Variants in MLLT10 observed in about 807,000 individuals in gnomAD.
The protein encoded by MLLT10 is MLLT10 histone lysine methyltransferase DOT1L cofactor.
MLLT10 carries 30 observed loss-of-function variants against 129.1 expected under a neutral mutation model. The observed-to-expected ratio is 0.23, with a 90% confidence interval of 0.17 to 0.32. MLLT10 has a LOEUF of 0.32. Among genes scored for constraint, MLLT10 ranks in the 10% least tolerant of loss-of-function variants. MLLT10 has a pLI of 1.00. For missense variants in MLLT10, 1,119 were observed against 1,268.3 expected (o/e 0.88, Z 1.79); for synonymous variants, 490 against 446.4 (o/e 1.10, Z -1.23).
intron 9 of MLLT10, among the ~76,000 whole-genome samples, chr10:21,668,084 A>G (rs1015210133): frequency 1.3e-5 from 2 of 152,142 alleles, no homozygotes; most frequent in African/African-American, 2.4e-5. Flanking sequence ...CAAAAAAAGA[A>G]CTTACATTTT....
At chr10:21,685,108 C>CT (rs899731509) in intron 13 of MLLT10, among the ~76,000 whole-genome samples, 15 of 151,528 alleles carry the variant, frequency 9.9e-5, no homozygotes, top group Admixed American at 5.9e-4. Flanking sequence ...TCTCTGGACA[C>CT]TTTTTTTTGT....
At chr10:21,698,858 C>T (rs189850310) in intron 13 of MLLT10, among the ~76,000 whole-genome samples, 2 of 151,998 alleles carry the variant, frequency 1.3e-5, no homozygotes, top group Admixed American at 1.3e-4. Context: ...ATATATTGTC[C>T]ATTTCTATGT....
At position 21,621,122 on chromosome 10, in the gene MLLT10, T is replaced by C. The variant is rs184742608; in HGVS notation, c.699+3915T>C. ...TCTCAGCCTTCCGAGTAGTTGGGACTGCAGGCGCCCGCCACCACGCCCGGC... is the reference window on the plus strand; with the variant it reads ...TCTCAGCCTTCCGAGTAGTTGGGACCGCAGGCGCCCGCCACCACGCCCGGC... On this transcript the variant is annotated intron_variant, in intron 8 of 22. Coordinates refer to ENST00000307729, the MANE Select transcript of MLLT10 (RefSeq NM_001195626.3). Among the ~76,000 whole-genome samples the C allele has an allele frequency of 3.4e-3, 513 of 151,366 alleles. 4 individuals are homozygous for C. The highest frequency in any genetic ancestry group is 0.012 in the African/African-American group (478 of 41,216).
At chr10:21,682,682 A>G (rs190233184) in intron 13 of MLLT10, among the ~76,000 whole-genome samples, 100 of 152,318 alleles carry the variant, frequency 6.6e-4, no homozygotes, top group African/African-American at 2.3e-3. Context: ...CCTGTATTCC[A>G]CATAGTGAAT....
chr10:21,631,313 C>CAAAAA (rs991306894), intron 8 of MLLT10, among the ~76,000 whole-genome samples: 763 of 43,302 alleles, frequency 0.018, 3 homozygotes, highest in Middle Eastern at 0.024. Flanking sequence ...GACTCCGTCT[C>CAAAAA]AAAAAAAAAA....
At chr10:21,655,540 C>G (rs921901555) in intron 9 of MLLT10, among the ~76,000 whole-genome samples, 2 of 151,988 alleles carry the variant, frequency 1.3e-5, no homozygotes, top group African/African-American at 4.8e-5. Flanking sequence ...TTTAAAAAGC[C>G]ATTTAAACGT....
At chr10:21,563,125 C>T (rs1190485585) in intron 3 of MLLT10, among the ~76,000 whole-genome samples, 2 of 152,166 alleles carry the variant, frequency 1.3e-5, no homozygotes, top group Non-Finnish European at 2.9e-5. Flanking sequence ...TATAGCCACA[C>T]CTGCTTTCCT....
At position 21,535,967 on chromosome 10, in the gene MLLT10, C is replaced by T. The variant is rs147508626; in HGVS notation, c.160+1163C>T. 4.4e-3 allele frequency among the ~76,000 whole-genome samples: 671 copies of T among 152,324 alleles called. 1 individual carries two copies. Among genetic ancestry groups the T allele is most frequent in the South Asian group, 0.017 (83 of 4,830 alleles). ...ACTTTTTATTTTGTTGAGACGGAGTCTTGCTCTGTCACCCAGGCTGTAGTG... is the reference window on the plus strand; with the variant it reads ...ACTTTTTATTTTGTTGAGACGGAGTTTTGCTCTGTCACCCAGGCTGTAGTG... On this transcript the variant is annotated intron_variant, in intron 2 of 22. Transcript: ENST00000307729.
At chr10:21,696,811 A>T (rs2054406293) in intron 13 of MLLT10, among the ~76,000 whole-genome samples, 1 of 152,070 alleles carries the variant, frequency 6.6e-6, no homozygotes, top group Non-Finnish European at 1.5e-5. Flanking sequence ...TACAATAGCT[A>T]CTTAAGTCAT....
At chr10:21,608,442 G>A (rs1017898279) in intron 5 of MLLT10, among the ~76,000 whole-genome samples, 1 of 151,970 alleles carries the variant, frequency 6.6e-6, no homozygotes, top group Non-Finnish European at 1.5e-5. Flanking sequence ...CTCTCAAAGT[G>A]TTGGGATTAC....
intron 8 of MLLT10, among the ~76,000 whole-genome samples, chr10:21,621,159 ATT>A (rs1180864625): frequency 1.1e-4 from 9 of 81,870 alleles, no homozygotes; most frequent in Admixed American, 1.3e-4. Context: ...AATTTTTTGT[ATT>A]TTTTTTTTTT....
At chr10:21,578,313 A>G (rs1383860302) in intron 3 of MLLT10, among the ~76,000 whole-genome samples, 1 of 152,154 alleles carries the variant, frequency 6.6e-6, no homozygotes. Flanking sequence ...TCAATTTTTA[A>G]CTGGGCTGTA....
intron 8 of MLLT10, 55 bp from the exon 9 acceptor site, chr10:21,651,618 C>T: frequency 8.4e-7 from 1 of 1,195,552 alleles, no homozygotes. Flanking sequence ...ATCTCTGTTG[C>T]ATATATGGGG....
chr10:21,706,631 G>A (rs566731956), intron 13 of MLLT10, among the ~76,000 whole-genome samples: 1 of 152,304 alleles, frequency 6.6e-6, no homozygotes, highest in South Asian at 2.1e-4. Flanking sequence ...ATAAGCCACT[G>A]GATGGGTACT....
At chr10:21,711,293 C>T (rs757369803) in intron 13 of MLLT10, among the ~76,000 whole-genome samples, 54 of 152,150 alleles carry the variant, frequency 3.5e-4, no homozygotes, top group Admixed American at 1.6e-3. Flanking sequence ...TGTGATGGCA[C>T]GTGCCTGTAA....
chr10:21,595,469 T>G (rs770484581), intron 5 of MLLT10, 29 bp downstream of exon 5: 5 of 1,517,192 alleles, frequency 3.3e-6, no homozygotes, highest in Non-Finnish European at 3.6e-6. Flanking sequence ...TATTACTGTT[T>G]GAATATCACT....
rs758172230 is a variant in MLLT10, at chr10:21,733,916, T to C, written c.2645T>C (p.Met882Thr). The C allele has an allele frequency of 6.2e-7, 1 of 1,614,202 alleles. No individual in the cohort carries two copies. Among genetic ancestry groups the C allele is most frequent in the South Asian group, 1.1e-5 (1 of 91,084 alleles). ...GVTVGALASG[M>T]QPVTSTIPAV... Reference sequence around the variant, plus strand: ...ACAGTGGGGGCACTAGCTAGTGGAATGCAGCCTGTAACTTCCACCATTCCT... The same window carrying C: ...ACAGTGGGGGCACTAGCTAGTGGAACGCAGCCTGTAACTTCCACCATTCCT... Residue 882 changes from methionine to threonine, a missense_variant, in exon 20 of 23, where the codon ATG becomes ACG. Transcript: ENST00000307729.
At chr10:21,702,778 T>A (rs1483780134) in intron 13 of MLLT10, among the ~76,000 whole-genome samples, 2 of 152,194 alleles carry the variant, frequency 1.3e-5, no homozygotes, top group African/African-American at 2.4e-5. Context: ...GCATAAAATA[T>A]CTTTTTTCAT....
In MLLT10 at chr10:21,743,490, T is replaced by C. The variant is rs554510935; in HGVS notation, c.*1507T>C. On this transcript the variant is annotated 3_prime_UTR_variant, in exon 23 of 23. Transcript: ENST00000307729. ...AAATCAGTGTGGTTTATTTTACTTATTTAACCCACTGGTTGTTATTCTGTA... is the reference window on the plus strand; with the variant it reads ...AAATCAGTGTGGTTTATTTTACTTACTTAACCCACTGGTTGTTATTCTGTA... 6 of 190,144 alleles carry C rather than the reference T, an allele frequency of 3.2e-5. No individual in the cohort carries two copies. The highest frequency in any genetic ancestry group is 1.2e-4 in the African/African-American group (5 of 43,076). The allele number at this position is 190,144 out of a possible 1,614,324, so 11.8% of individuals were successfully genotyped here. A position where few individuals can be genotyped will look rare whatever the true frequency, so the allele number is the denominator to read the frequency against.
Sources: allele counts gnomAD v4.1 joint callset (sites outside exome capture counted in the v4.1 genomes callset), GRCh38; gene constraint gnomAD v4.1.1; transcripts MANE v1.5; gene names NCBI Gene and HGNC (gene_info 2026-07-23, HGNC 2026-07-21).